The following SLC13A5 variants were observed in gnomAD, a reference collection of about 807,000 sequenced individuals.
The protein encoded by SLC13A5 is solute carrier family 13 member 5, also known as Na(+)/citrate cotransporter.
In SLC13A5, 25 loss-of-function variants were observed where a neutral mutation model predicts 56.5. The ratio of observed to expected loss-of-function variants is 0.44; its 90% confidence interval spans 0.32 to 0.62. The LOEUF is 0.62. Ranked by LOEUF, SLC13A5 falls within the 20% of genes least tolerant of loss-of-function variation. The pLI, the probability that SLC13A5 is intolerant of heterozygous loss-of-function variation, is 0.04. For missense variants in SLC13A5, 649 were observed against 737.8 expected (o/e 0.88, Z 1.39); for synonymous variants, 307 against 301.5 (o/e 1.02, Z -0.19).
chr17:6,696,836 A>G (rs1379992319), intron 6 of SLC13A5, among the ~76,000 whole-genome samples: 1 of 152,174 alleles, frequency 6.6e-6, no homozygotes, highest in Non-Finnish European at 1.5e-5. Flanking sequence ...GCCATGAGAC[A>G]TAATCATAGG....
intron 7 of SLC13A5, 42 bp from the exon 8 acceptor site, chr17:6,694,239 C>CA: frequency 4.8e-6 from 6 of 1,237,300 alleles, no homozygotes; most frequent in Non-Finnish European, 7.1e-6. Flanking sequence ...CAGAGACAGT[C>CA]ACTCAACAAA....
intron 11 of SLC13A5, 53 bp from the exon 12 acceptor site, chr17:6,686,391 C>A: frequency 6.2e-7 from 1 of 1,610,378 alleles, no homozygotes; most frequent in South Asian, 1.1e-5. Flanking sequence ...CTAGTGCTCT[C>A]AGAGAGGAGG....
chr17:6,707,361 CA>C (rs1458616180), intron 1 of SLC13A5, among the ~76,000 whole-genome samples: 6 of 152,192 alleles, frequency 3.9e-5, no homozygotes, highest in African/African-American at 1.4e-4. Flanking sequence ...ACTCCTGCCC[CA>C]TTCCCACCCC....
At chr17:6,698,987 G>A (rs147502884) in intron 6 of SLC13A5, among the ~76,000 whole-genome samples, 8,828 of 150,848 alleles carry the variant, frequency 0.059, 545 homozygotes, top group African/African-American at 0.16. Flanking sequence ...AGGTTGCAGC[G>A]AGCCGAGATC....
chr17:6,686,628 C>T (rs1365089750), intron 11 of SLC13A5: 11 of 353,026 alleles, frequency 3.1e-5, no homozygotes, highest in East Asian at 1.1e-4. Context: ...TTCAGGGAAA[C>T]GGTCACAGAG....
At position 6,686,560 on chromosome 17, in the gene SLC13A5, C is replaced by A. The variant is rs916627242; in HGVS notation, c.1576-222G>T. ...AGGCAGAGTGGATGGGTTCTCTATG[C>A]CCGTGCGCATTTGGAAAATGACCTC... On this transcript the variant is annotated intron_variant, in intron 11 of 11. Transcript: ENST00000433363. 4 of 535,370 alleles carry A rather than the reference C, an allele frequency of 7.5e-6. No homozygotes were observed. In the African/African-American group the frequency reaches 7.6e-5, roughly 10 times the overall value. The allele number at this position is 535,370 out of a possible 1,614,324, so 33.2% of individuals were successfully genotyped here.
At chr17:6,704,159 G>A (rs982729269) in intron 3 of SLC13A5, 103 bp from the exon 4 acceptor site, 1 of 1,251,260 alleles carries the variant, frequency 8.0e-7, no homozygotes, top group Non-Finnish European at 1.1e-6. Flanking sequence ...GGGATGCACA[G>A]GTGTTGAGGC....
intron 1 of SLC13A5, among the ~76,000 whole-genome samples, chr17:6,709,848 T>G (rs1973973381): frequency 6.6e-6 from 1 of 152,066 alleles, no homozygotes; most frequent in Non-Finnish European, 1.5e-5. Context: ...ACACTGACAT[T>G]TTGGGCTAAA....
chr17:6,700,642 C>T (rs2151491665), intron 6 of SLC13A5, among the ~76,000 whole-genome samples: 2 of 152,260 alleles, frequency 1.3e-5, no homozygotes, highest in Middle Eastern at 6.8e-3. Flanking sequence ...TGGAGGAATT[C>T]AAAGTCACCG....
At chr17:6,704,211 A>G (rs1424843520) in intron 3 of SLC13A5, 155 bp from the exon 4 acceptor site, 2 of 804,948 alleles carry the variant, frequency 2.5e-6, no homozygotes, top group Non-Finnish European at 4.2e-6. Flanking sequence ...ACGGTTTTAG[A>G]GCCTCCCCTC....
At position 6,692,934 on chromosome 17, in the gene SLC13A5, A is replaced by G; in HGVS notation, c.1275+110T>C. ...ATGTCCTCAAGGAATGTGCGGTTAT[A>G]CGAAGGATGCAGGCACAGAAACACA... On this transcript the variant is annotated intron_variant, in intron 9 of 11. Transcript: ENST00000433363. The surrounding 1 kb of genome is among the most constrained non-coding windows in gnomAD (Gnocchi z 5.5). 1.2e-6 allele frequency: 1 copy of G among 824,580 alleles called. No homozygotes were observed. Among genetic ancestry groups the G allele is most frequent in the Non-Finnish European group, 2.1e-6 (1 of 472,020 alleles). The allele number at this position is 824,580 out of a possible 1,614,324, so 51.1% of individuals were successfully genotyped here.
chr17:6,707,943 T>C (rs1486746256), intron 1 of SLC13A5, among the ~76,000 whole-genome samples: 1 of 150,750 alleles, frequency 6.6e-6, no homozygotes, highest in Non-Finnish European at 1.5e-5. Flanking sequence ...ACTAGCCACC[T>C]CCCTAGGTTG....
At chr17:6,686,450 C>A (rs562657593) in intron 11 of SLC13A5, 112 bp from the exon 12 acceptor site, 760 of 1,430,452 alleles carry the variant, frequency 5.3e-4, no homozygotes, top group Non-Finnish European at 6.1e-4. Flanking sequence ...CATGCTCTGT[C>A]CCTGGCTGGG....
At chr17:6,707,478 C>T (rs1369803149) in intron 1 of SLC13A5, among the ~76,000 whole-genome samples, 2 of 149,046 alleles carry the variant, frequency 1.3e-5, no homozygotes, top group Non-Finnish European at 3.0e-5. Context: ...AAGAATAGGA[C>T]AAGGAAGAAA....
At position 6,687,255 on chromosome 17, in the gene SLC13A5, C is replaced by T. The variant is rs138080749; in HGVS notation, c.1575+274G>A. The stretch of plus-strand genomic sequence containing the variant: ...GAGTCCCTCAGCCCCACCTTCACCC[C>T]TTCCAAGGACTCCCCTGGTGCCTGC... On this transcript the variant is annotated intron_variant, in intron 11 of 11. Coordinates refer to ENST00000433363, the MANE Select transcript of SLC13A5 (RefSeq NM_177550.5). This position sits in a 1 kb window ranked among gnomAD's most constrained non-coding sequence, Gnocchi z 5.0. The T allele has an allele frequency of 1.2e-3, 494 of 407,954 alleles. No individual in the cohort carries two copies. The highest frequency in any genetic ancestry group is 9.1e-3 in the African/African-American group (431 of 47,548). 25.3% of individuals were successfully genotyped at this position (407,954 alleles called of 1,614,324 possible). A position where few individuals can be genotyped will look rare whatever the true frequency, so the allele number is the denominator to read the frequency against.
intron 2 of SLC13A5, 77 bp downstream of exon 2, chr17:6,706,951 T>A (rs1973886275): frequency 1.3e-6 from 2 of 1,595,070 alleles, no homozygotes; most frequent in Middle Eastern, 3.4e-4. Context: ...CCCAGGCCTG[T>A]GCGACTCACA....
At position 6,707,509 on chromosome 17, in the gene SLC13A5, G is replaced by T. The variant is rs558748810; in HGVS notation, c.103-353C>A. ...AGAAAAGGAGAAAGAAGGAGAAGGA[G>T]GAGAAGGAGGAGGAGGGGATAGAAG... On this transcript the variant is annotated intron_variant, in intron 1 of 11. Transcript: ENST00000433363. 6.6e-5 allele frequency among the ~76,000 whole-genome samples: 10 copies of T among 152,280 alleles called. No individual in the cohort carries two copies. In the South Asian group the frequency reaches 2.1e-3, roughly 32 times the overall value.
chr17:6,702,846 C>T (rs1973749067), intron 5 of SLC13A5, 124 bp downstream of exon 5: 3 of 1,242,626 alleles, frequency 2.4e-6, no homozygotes, highest in Non-Finnish European at 3.3e-6. Context: ...TGCCAGGCTC[C>T]CAGGCCAGGT....
In SLC13A5 at chr17:6,684,980, G is replaced by GC. The variant is rs3214215; in HGVS notation, c.*1226_*1227insG. The GC allele has an allele frequency of 0.63, 95,869 of 152,036 alleles. 32,606 individuals carry two copies. Among genetic ancestry groups the GC allele is most frequent in the Non-Finnish European group, 0.77 (52,223 of 67,982 alleles). 9.4% of individuals were successfully genotyped at this position (152,036 alleles called of 1,614,324 possible). A position where few individuals can be genotyped will look rare whatever the true frequency, so the allele number is the denominator to read the frequency against. ...TCTCATGTCTGTCTCTTACAGGGGG[G>GC]TTCTGAAGATTCCCACAGCCTCTCT... On this transcript the variant is annotated 3_prime_UTR_variant, in exon 12 of 12. Coordinates refer to ENST00000433363, the MANE Select transcript of SLC13A5 (RefSeq NM_177550.5).
Sources: allele counts gnomAD v4.1 joint callset (sites outside exome capture counted in the v4.1 genomes callset), GRCh38; gene constraint gnomAD v4.1.1; non-coding constraint Gnocchi (gnomAD v3.1); transcripts MANE v1.5; gene names NCBI Gene and HGNC (gene_info 2026-07-23, HGNC 2026-07-21).